The following GALNTL6 variants were observed in gnomAD, a reference collection of about 807,000 sequenced individuals.
GALNTL6 encodes the protein polypeptide N-acetylgalactosaminyltransferase-like 6.
Under a neutral mutation model 73.7 loss-of-function variants are expected in GALNTL6, and 46 were observed. That is an observed-to-expected ratio of 0.62 (90% confidence interval 0.49 to 0.80). GALNTL6 has a LOEUF of 0.80. Ranked by LOEUF, GALNTL6 falls within the 30% of genes least tolerant of loss-of-function variation. The pLI, the probability that GALNTL6 is intolerant of heterozygous loss-of-function variation, is 0.00. For synonymous variants in GALNTL6, 259 were observed against 263.7 expected (o/e 0.98, Z 0.17); for missense variants, 604 against 755.0 (o/e 0.80, Z 2.34).
chr4:172,921,661 G>A (rs929128990), intron 8 of GALNTL6, among the ~76,000 whole-genome samples: 54 of 151,932 alleles, frequency 3.6e-4, no homozygotes, highest in African/African-American at 1.1e-3. Context: ...TGGGTGCGGC[G>A]GTGGGCCTCT....
chr4:172,326,029 A>G (rs773148101), intron 4 of GALNTL6, among the ~76,000 whole-genome samples: 66 of 152,024 alleles, frequency 4.3e-4, no homozygotes, highest in Admixed American at 6.6e-4. Context: ...AATTAAACTA[A>G]AAATCATTAA....
At chr4:172,272,426 A>T (rs1056269516) in intron 3 of GALNTL6, among the ~76,000 whole-genome samples, 2 of 152,222 alleles carry the variant, frequency 1.3e-5, no homozygotes, top group African/African-American at 4.8e-5. Flanking sequence ...CCTAGGCCAT[A>T]CAATATACCT....
intron 5 of GALNTL6, among the ~76,000 whole-genome samples, chr4:172,498,842 T>A (rs778878566): frequency 2.6e-5 from 4 of 152,166 alleles, no homozygotes; most frequent in African/African-American, 2.4e-5. Context: ...TGAAAAAAAA[T>A]TATTCATAAG....
rs866013251 is a variant in GALNTL6 at position 172,487,339 on chromosome 4, T to C, written c.553+138650T>C. Reference sequence around the variant, plus strand: ...CTTTCTTTCTTTCTTTCTTTCTTTCTTTCTTTCTTTCTTTCTTTCCTTCTT... The same window carrying C: ...CTTTCTTTCTTTCTTTCTTTCTTTCCTTCTTTCTTTCTTTCTTTCCTTCTT... On this transcript the variant is annotated intron_variant, in intron 5 of 12. Transcript: ENST00000506823. Among the ~76,000 whole-genome samples the C allele has an allele frequency of 8.9e-3, 1,204 of 135,358 alleles. 11 individuals carry two copies. Among genetic ancestry groups the C allele is most frequent in the African/African-American group, 0.02 (728 of 36,434 alleles). 88.8% of individuals were successfully genotyped at this position (135,358 alleles called of 152,430 possible).
At chr4:172,051,695 C>G (rs1730876540) in intron 2 of GALNTL6, among the ~76,000 whole-genome samples, 4 of 152,058 alleles carry the variant, frequency 2.6e-5, no homozygotes, top group Admixed American at 2.6e-4. Context: ...TATATGGGCA[C>G]AGGATAGGGG....
intron 8 of GALNTL6, among the ~76,000 whole-genome samples, chr4:172,920,570 T>C (rs1747741038): frequency 6.6e-6 from 1 of 152,214 alleles, no homozygotes; most frequent in Admixed American, 6.5e-5. Context: ...TATTTTCTGG[T>C]CCTAGAAATT....
intron 2 of GALNTL6, among the ~76,000 whole-genome samples, chr4:172,161,222 T>C (rs754116071): frequency 6.6e-6 from 1 of 152,014 alleles, no homozygotes; most frequent in East Asian, 1.9e-4. Flanking sequence ...ACCATAGATA[T>C]TCACTAATTG....
intron 2 of GALNTL6, among the ~76,000 whole-genome samples, chr4:171,845,408 C>T (rs756909294): frequency 5.3e-5 from 8 of 152,098 alleles, no homozygotes; most frequent in Non-Finnish European, 1.0e-4. Context: ...ATTGTCATGT[C>T]AGTGTTAATA....
In GALNTL6 at chr4:171,973,769, T is replaced by A. The variant is rs556207918; in HGVS notation, c.138+159051T>A. Among the ~76,000 whole-genome samples the A allele has an allele frequency of 2.6e-5, 4 of 152,310 alleles. No individual in the cohort carries two copies. The East Asian group carries it at 5.8e-4, about 22-fold the overall frequency. On this transcript the variant is annotated intron_variant, in intron 2 of 12. Coordinates refer to ENST00000506823, the MANE Select transcript of GALNTL6 (RefSeq NM_001034845.3). ...ATTAATTGATACTATAGATGTTCAGTAAATAATAATTATTGTTATTATCGT... is the reference window on the plus strand; with the variant it reads ...ATTAATTGATACTATAGATGTTCAGAAAATAATAATTATTGTTATTATCGT...
intron 2 of GALNTL6, among the ~76,000 whole-genome samples, chr4:171,958,045 C>G (rs187035056): frequency 6.6e-6 from 1 of 152,126 alleles, no homozygotes; most frequent in African/African-American, 2.4e-5. Context: ...TATGGCCTCA[C>G]ATGTTAATCT....
intron 2 of GALNTL6, among the ~76,000 whole-genome samples, chr4:171,975,917 A>G (rs1280424724): frequency 7.0e-6 from 1 of 143,182 alleles, no homozygotes; most frequent in Non-Finnish European, 1.6e-5. Context: ...TATGTGGAGT[A>G]TATACAAGCG....
intron 5 of GALNTL6, among the ~76,000 whole-genome samples, chr4:172,552,625 A>G (rs972242288): frequency 2.0e-5 from 3 of 152,006 alleles, no homozygotes; most frequent in African/African-American, 7.2e-5. Context: ...AAACATGTCT[A>G]CCCGCTCTAT....
At chr4:172,879,824 C>A (rs1745365132) in intron 7 of GALNTL6, among the ~76,000 whole-genome samples, 1 of 151,496 alleles carries the variant, frequency 6.6e-6, no homozygotes, top group African/African-American at 2.4e-5. Context: ...TCAATGAAAC[C>A]AAAAGTTAGT....
intron 5 of GALNTL6, among the ~76,000 whole-genome samples, chr4:172,371,997 A>G (rs1414770209): frequency 6.6e-6 from 1 of 152,130 alleles, no homozygotes; most frequent in Non-Finnish European, 1.5e-5. Context: ...CTGTATACAC[A>G]TTTATTCTTT....
intron 8 of GALNTL6, among the ~76,000 whole-genome samples, chr4:172,909,581 A>G (rs976008419): frequency 3.9e-5 from 6 of 152,130 alleles, no homozygotes; most frequent in Admixed American, 1.3e-4. Flanking sequence ...TAATATTATA[A>G]TGATAGATTT....
At chr4:172,676,633 T>G (rs951513122) in intron 5 of GALNTL6, among the ~76,000 whole-genome samples, 28 of 152,310 alleles carry the variant, frequency 1.8e-4, no homozygotes, top group African/African-American at 6.5e-4. Flanking sequence ...CATATATTAC[T>G]CCAACAGGCA....
At chr4:171,871,455 T>G (rs371437998) in intron 2 of GALNTL6, among the ~76,000 whole-genome samples, 1 of 152,112 alleles carries the variant, frequency 6.6e-6, no homozygotes, top group African/African-American at 2.4e-5. Context: ...AGAAACAATA[T>G]AGTCAATCTT....
intron 12 of GALNTL6, among the ~76,000 whole-genome samples, chr4:173,022,887 G>T (rs1486442892): frequency 6.6e-6 from 1 of 152,106 alleles, no homozygotes; most frequent in Non-Finnish European, 1.5e-5. Context: ...TTACAAAATT[G>T]CTTTTCAAAT....
At chr4:172,075,818 C>A (rs1224209843) in intron 2 of GALNTL6, among the ~76,000 whole-genome samples, 1 of 152,048 alleles carries the variant, frequency 6.6e-6, no homozygotes, top group Non-Finnish European at 1.5e-5. Context: ...AGTGGGCAAT[C>A]ATATAGAACA....
Sources: gnomAD v4.1 joint callset for allele counts (sites outside exome capture counted in the v4.1 genomes callset) on GRCh38, gnomAD v4.1.1 for gene constraint, MANE v1.5 for transcripts, NCBI Gene and HGNC (gene_info 2026-07-23, HGNC 2026-07-21) for gene names.